Variants in ZDHHC20 observed in about 807,000 individuals in gnomAD.
ZDHHC20 encodes the protein palmitoyltransferase ZDHHC20.
ZDHHC20 carries 43 observed loss-of-function variants against 57.8 expected under a neutral mutation model. That is an observed-to-expected ratio of 0.74 (90% CI 0.58 to 0.96). ZDHHC20 has a LOEUF of 0.96. Ranked by LOEUF, ZDHHC20 falls within the 40% of genes least tolerant of loss-of-function variation. The pLI is 0.00. For missense variants in ZDHHC20, 391 were observed against 441.1 expected, an observed-to-expected ratio of 0.89 and a Z score of 1.02; for synonymous variants, 157 against 153.0, an observed-to-expected ratio of 1.03 and a Z score of -0.19.
intron 1 of ZDHHC20, among the ~76,000 whole-genome samples, chr13:21,450,030 G>T (rs1298464879): frequency 6.6e-6 from 1 of 152,092 alleles, no homozygotes; most frequent in African/African-American, 2.4e-5. Context: ...GTGGTGAGAA[G>T]CAGCTGGATT....
chr13:21,379,976 C>T (rs1400057153), intron 11 of ZDHHC20, among the ~76,000 whole-genome samples: 3 of 150,596 alleles, frequency 2.0e-5, no homozygotes, highest in Non-Finnish European at 3.0e-5. Context: ...CCACCTCGCC[C>T]GTCTAATTTT....
intron 9 of ZDHHC20, among the ~76,000 whole-genome samples, chr13:21,383,976 C>T (rs1181305311): frequency 2.0e-5 from 3 of 151,836 alleles, no homozygotes; most frequent in Non-Finnish European, 2.9e-5. Flanking sequence ...CTGAACAGTA[C>T]GAAATAATTG....
chr13:21,389,578 A>C (rs1487432638), intron 8 of ZDHHC20, among the ~76,000 whole-genome samples: 3 of 152,214 alleles, frequency 2.0e-5, no homozygotes, highest in Admixed American at 1.3e-4. Context: ...CGGCAAAAAA[A>C]AGTTTGAAAA....
rs1300463100 is a variant in ZDHHC20, at chr13:21,400,446, A to G, written c.521T>C (p.Phe174Ser). Reference sequence around the variant, plus strand: ...GCAATATAATAGGGAATACAATAAAAACAGCAGGAAGAATTTGTAATTAGA... The same window carrying G: ...GCAATATAATAGGGAATACAATAAAGACAGCAGGAAGAATTTGTAATTAGA... ...GFSNYKFFLL[F>S]LLYSLLYCLF... The change falls in exon 7 of 13, where the codon TTT becomes TCT. Residue 174 changes from phenylalanine (F) to serine (S), a missense_variant. Transcript: ENST00000400590. The G allele has an allele frequency of 6.3e-7, 1 of 1,593,604 alleles. No individual in the cohort carries two copies. The highest frequency in any genetic ancestry group is 2.2e-5 in the East Asian group (1 of 44,488).
At chr13:21,386,317 T>TTGATTAAATGA (rs764754771) in intron 9 of ZDHHC20, among the ~76,000 whole-genome samples, 80 of 152,200 alleles carry the variant, frequency 5.3e-4, no homozygotes, top group Non-Finnish European at 1.1e-3. Flanking sequence ...TTAACAATAT[T>TTGATTAAATGA]TTCCAAATTT....
intron 1 of ZDHHC20, among the ~76,000 whole-genome samples, chr13:21,448,548 T>G (rs1296712815): frequency 3.8e-5 from 3 of 78,330 alleles, no homozygotes; most frequent in Non-Finnish European, 9.3e-5. Context: ...TACTGGGAAG[T>G]GAGGAGCCCC....
chr13:21,421,213 CA>C (rs1566095284), intron 2 of ZDHHC20, 49 bp from the exon 3 acceptor site: 2 of 1,469,430 alleles, frequency 1.4e-6, no homozygotes. Flanking sequence ...GTGAAAACAG[CA>C]AAAAGCATTA....
intron 3 of ZDHHC20, among the ~76,000 whole-genome samples, chr13:21,415,898 T>C (rs1037220534): frequency 6.6e-6 from 1 of 152,100 alleles, no homozygotes; most frequent in Non-Finnish European, 1.5e-5. Context: ...CATCATTACT[T>C]TTCCTTAAGA....
In ZDHHC20 at chr13:21,389,995, A is replaced by G. The variant is rs1313394502; in HGVS notation, c.727+1727T>C. Reference sequence around the variant, plus strand: ...AAAAAGTAGTTAATAGGGATAAGAAATTTTATTTACATGGAAAAGGGATGA... The same window carrying G: ...AAAAAGTAGTTAATAGGGATAAGAAGTTTTATTTACATGGAAAAGGGATGA... On this transcript the variant is annotated intron_variant, in intron 8 of 12. Coordinates refer to ENST00000400590, the MANE Select transcript of ZDHHC20 (RefSeq NM_001330059.2). Among the ~76,000 whole-genome samples the G allele has an allele frequency of 5.3e-5, 8 of 152,218 alleles. No homozygotes were observed. The South Asian group carries it at 6.2e-4, about 12-fold the overall frequency.
chr13:21,424,901 T>C (rs1384438495), intron 2 of ZDHHC20, among the ~76,000 whole-genome samples: 1 of 152,192 alleles, frequency 6.6e-6, no homozygotes, highest in Admixed American at 6.5e-5. Context: ...GTTTATTCTG[T>C]TACTGACAAA....
Position 21,400,478 on chromosome 13 carries a change from C to A in ZDHHC20, c.489G>T (p.Val163=). 6.4e-7 allele frequency: 1 copy of A among 1,558,614 alleles called. No individual in the cohort carries two copies. ...DHHCPWVNNC[V]GFSNYKFFLL... is the part of the protein sequence containing the mutation. ...GGAAGAATTTGTAATTAGAAAATCC[C>A]ACACAGTTATTCACCCTGGAAAAAT... is the stretch of plus-strand genomic sequence containing the variant. The change falls in exon 7 of 13, where the codon GTG becomes GTT. Residue 163 remains valine, a synonymous_variant. Transcript: ENST00000400590.
intron 7 of ZDHHC20, among the ~76,000 whole-genome samples, chr13:21,398,890 G>T (rs1260760362): frequency 6.6e-6 from 1 of 152,184 alleles, no homozygotes; most frequent in East Asian, 1.9e-4. Context: ...GCCACAGGGG[G>T]ACACGCAACA....
chr13:21,459,055 C>T lies in ZDHHC20; in HGVS notation c.117G>A (p.Val39=), dbSNP rs771670312. Residue 39 remains valine, a splice_region_variant and synonymous_variant, in exon 1 of 13, where the codon GTG becomes GTA. Transcript: ENST00000400590. ...GCAGTCCCCGGGGACGGTACTCACA[C>T]ACGCAGAGCTCCACCACGTACGCGT... ...SYYAYVVELC[V]FTIFGNEENG... is the part of the protein sequence containing the mutation. 1.2e-5 allele frequency: 19 copies of T among 1,595,006 alleles called. No homozygotes were observed. The highest frequency in any genetic ancestry group is 1.5e-5 in the Non-Finnish European group (18 of 1,172,120).
intron 1 of ZDHHC20, among the ~76,000 whole-genome samples, chr13:21,446,699 T>C (rs1883738253): frequency 1.3e-5 from 2 of 152,248 alleles, no homozygotes; most frequent in Non-Finnish European, 2.9e-5. Context: ...TGTTCAAGTA[T>C]ATGTTCTACA....
chr13:21,439,254 C>T lies in ZDHHC20; in HGVS notation c.119-13576G>A, dbSNP rs563213241. On this transcript the variant is annotated intron_variant, in intron 1 of 12. Coordinates refer to ENST00000400590, the MANE Select transcript of ZDHHC20 (RefSeq NM_001330059.2). ...GTGGCTCACGCCTGTAATCCCAACA[C>T]GTAAGGAGGCTGAGGCAAGAGGATC... 1.2e-4 allele frequency among the ~76,000 whole-genome samples: 19 copies of T among 152,222 alleles called. No homozygotes were observed. In the South Asian group the frequency reaches 3.7e-3, roughly 30 times the overall value.
At chr13:21,447,295 CCTCTCCGTCTCCCTCTCCCTCTCCCCACG>C (rs1232635849) in intron 1 of ZDHHC20, among the ~76,000 whole-genome samples, 1 of 147,926 alleles carries the variant, frequency 6.8e-6, no homozygotes, top group African/African-American at 2.5e-5. Context: ...TCTCCCTCTC[CCTCTCCGTCTCCCTCTCCCTCTCCCCACG>C]GTCTCCCTCT....
chr13:21,442,986 A>G (rs1883332903), intron 1 of ZDHHC20, among the ~76,000 whole-genome samples: 1 of 152,154 alleles, frequency 6.6e-6, no homozygotes, highest in Admixed American at 6.5e-5. Flanking sequence ...ACAGCAAGAA[A>G]CCCTCTGGGG....
intron 4 of ZDHHC20, among the ~76,000 whole-genome samples, chr13:21,411,805 T>A (rs1338378878): frequency 1.3e-5 from 2 of 152,186 alleles, no homozygotes; most frequent in African/African-American, 2.4e-5. Flanking sequence ...AACAAATATT[T>A]AGAGTTTCTA....
At chr13:21,436,450 G>A (rs79614761) in intron 1 of ZDHHC20, among the ~76,000 whole-genome samples, 5,250 of 152,198 alleles carry the variant, frequency 0.034, 279 homozygotes, top group African/African-American at 0.12. Context: ...TTGTGTCTCC[G>A]TGTCACATTT....
Sources: allele counts gnomAD v4.1 joint callset (sites outside exome capture counted in the v4.1 genomes callset), GRCh38; gene constraint gnomAD v4.1.1; transcripts MANE v1.5; gene names NCBI Gene and HGNC (gene_info 2026-07-23, HGNC 2026-07-21).